GRIN2A: variants seen among roughly 807,000 people sequenced by gnomAD.
GRIN2A encodes the protein glutamate receptor ionotropic, NMDA 2A.
GRIN2A carries 22 observed loss-of-function variants against 113.4 expected under a neutral mutation model. That is an observed-to-expected ratio of 0.19 (90% confidence interval 0.14 to 0.28). The LOEUF (loss-of-function observed/expected upper bound fraction) is 0.28, where lower values mean the gene tolerates loss of function less well. GRIN2A is among the 10% of genes least tolerant of loss of function. The pLI, the probability that GRIN2A is intolerant of heterozygous loss-of-function variation, is 1.00. For missense variants in GRIN2A, 1,502 were observed against 1,887.0 expected (o/e 0.80, Z 3.78); for synonymous variants, 827 against 738.4 (o/e 1.12, Z -1.94).
At chr16:10,174,058 T>A (rs913154731) in intron 2 of GRIN2A, among the ~76,000 whole-genome samples, 3 of 151,294 alleles carry the variant, frequency 2.0e-5, no homozygotes, top group East Asian at 1.9e-4. Context: ...GACTCTAGGG[T>A]TTCAAGTAGG....
At chr16:9,848,592 T>C (rs928443251) in intron 5 of GRIN2A, among the ~76,000 whole-genome samples, 4 of 149,290 alleles carry the variant, frequency 2.7e-5, no homozygotes, top group East Asian at 1.9e-4. Context: ...CATATTTTAA[T>C]GTATAAAAAT....
chr16:10,083,577 T>A (rs574253008), intron 2 of GRIN2A, among the ~76,000 whole-genome samples: 2 of 152,206 alleles, frequency 1.3e-5, no homozygotes, highest in Non-Finnish European at 2.9e-5. Flanking sequence ...CCTGTCTGCA[T>A]CCTGGACTGA....
chr16:9,947,595 G>A (rs1205371822), intron 2 of GRIN2A, among the ~76,000 whole-genome samples: 1 of 152,190 alleles, frequency 6.6e-6, no homozygotes, highest in Admixed American at 6.5e-5. Flanking sequence ...TCAAAGAAAT[G>A]TCTCCAAACA....
chr16:10,160,691 C>A (rs957039878), intron 2 of GRIN2A, among the ~76,000 whole-genome samples: 6 of 152,108 alleles, frequency 3.9e-5, no homozygotes, highest in African/African-American at 1.4e-4. Context: ...CCAAATTGAC[C>A]GTAAAAGTTA....
chr16:9,963,754 C>A (rs939474912), intron 2 of GRIN2A, among the ~76,000 whole-genome samples: 1 of 152,192 alleles, frequency 6.6e-6, no homozygotes, highest in Non-Finnish European at 1.5e-5. Flanking sequence ...ATCTGCTATT[C>A]AATAATTCAT....
intron 2 of GRIN2A, among the ~76,000 whole-genome samples, chr16:10,032,193 T>G (rs971648813): frequency 6.6e-6 from 1 of 152,228 alleles, no homozygotes; most frequent in African/African-American, 2.4e-5. Context: ...AAGAAATCCA[T>G]GAACAAATAA....
intron 11 of GRIN2A, among the ~76,000 whole-genome samples, chr16:9,789,838 T>C (rs569583294): frequency 6.6e-6 from 1 of 152,312 alleles, no homozygotes; most frequent in Non-Finnish European, 1.5e-5. Context: ...CAACGCAGCT[T>C]TATTTCACAA....
Position 9,803,299 on chromosome 16 carries a change from C to T in GRIN2A, c.2169-4835G>A, listed in dbSNP as rs564949465. Among the ~76,000 whole-genome samples the T allele has an allele frequency of 1.1e-4, 17 of 152,020 alleles. No homozygotes were observed. In the East Asian group the frequency reaches 2.7e-3, roughly 24 times the overall value. ...GCACATGCCTATAATTCCAGCTACT[C>T]GGGAGGCTGAGGCAGGCGAATCTAT... is the stretch of plus-strand genomic sequence containing the variant. On this transcript the variant is annotated intron_variant, in intron 10 of 12. Coordinates refer to ENST00000330684, the MANE Select transcript of GRIN2A (RefSeq NM_001134407.3).
intron 2 of GRIN2A, among the ~76,000 whole-genome samples, chr16:9,945,566 T>C (rs1035763797): frequency 2.6e-5 from 4 of 152,118 alleles, no homozygotes; most frequent in African/African-American, 9.7e-5. Flanking sequence ...AAACAACTCC[T>C]CTGCTAAATG....
intron 2 of GRIN2A, among the ~76,000 whole-genome samples, chr16:10,024,804 T>C (rs1339560751): frequency 1.3e-5 from 2 of 152,198 alleles, no homozygotes; most frequent in Admixed American, 6.5e-5. Flanking sequence ...TTAGCAATTA[T>C]ATCAAGTAAG....
intron 2 of GRIN2A, among the ~76,000 whole-genome samples, chr16:9,981,518 GT>G (rs1470988251): frequency 6.6e-6 from 1 of 152,078 alleles, no homozygotes; most frequent in African/African-American, 2.4e-5. Context: ...TCTTACCAAT[GT>G]TCTCCTTCCA....
At chr16:9,992,886 T>A (rs1320633703) in intron 2 of GRIN2A, among the ~76,000 whole-genome samples, 2 of 152,190 alleles carry the variant, frequency 1.3e-5, no homozygotes, top group African/African-American at 4.8e-5. Flanking sequence ...TACCCGTTCC[T>A]GCCATAATAA....
At chr16:9,851,278 A>T (rs1158311627) in intron 4 of GRIN2A, among the ~76,000 whole-genome samples, 1 of 152,138 alleles carries the variant, frequency 6.6e-6, no homozygotes, top group Non-Finnish European at 1.5e-5. Flanking sequence ...AGCATTGCTG[A>T]TACATTTCTT....
chr16:10,007,781 G>C (rs1020139290), intron 2 of GRIN2A, among the ~76,000 whole-genome samples: 4 of 152,126 alleles, frequency 2.6e-5, no homozygotes, highest in Non-Finnish European at 5.9e-5. Flanking sequence ...AGTGACAAGA[G>C]GCTGTGTAGC....
intron 2 of GRIN2A, among the ~76,000 whole-genome samples, chr16:10,106,212 G>GTTTTTTTT (rs71402429): frequency 5.7e-5 from 8 of 140,956 alleles, no homozygotes; most frequent in Non-Finnish European, 9.2e-5. Context: ...TTGGGGAAGT[G>GTTTTTTTT]TTTTTTTTTT....
intron 2 of GRIN2A, among the ~76,000 whole-genome samples, chr16:10,009,002 A>C (rs1287129483): frequency 6.6e-6 from 1 of 152,256 alleles, no homozygotes; most frequent in Non-Finnish European, 1.5e-5. Flanking sequence ...TTACACTCTG[A>C]TGGAGAGAGA....
At chr16:10,153,395 G>A (rs1001511876) in intron 2 of GRIN2A, among the ~76,000 whole-genome samples, 1 of 152,156 alleles carries the variant, frequency 6.6e-6, no homozygotes, top group African/African-American at 2.4e-5. Context: ...ACTCTACGAA[G>A]GGGATATGCT....
chr16:10,147,109 C>T (rs558620827), intron 2 of GRIN2A, among the ~76,000 whole-genome samples: 3 of 152,198 alleles, frequency 2.0e-5, no homozygotes, highest in African/African-American at 4.8e-5. Flanking sequence ...CACCAACTCA[C>T]TCAGCAAAAT....
At chr16:10,176,017 T>C (rs2050138860) in intron 2 of GRIN2A, among the ~76,000 whole-genome samples, 1 of 150,580 alleles carries the variant, frequency 6.6e-6, no homozygotes, top group African/African-American at 2.4e-5. Context: ...TTTTTTTTTT[T>C]TTTTTGAGAC....
Sources: gnomAD v4.1 joint callset for allele counts (sites outside exome capture counted in the v4.1 genomes callset) on GRCh38, gnomAD v4.1.1 for gene constraint, MANE v1.5 for transcripts, NCBI Gene and HGNC (gene_info 2026-07-23, HGNC 2026-07-21) for gene names.